LIMD1: variants seen among roughly 807,000 people sequenced by gnomAD.
The protein encoded by LIMD1 is LIM domain-containing protein 1.
LIMD1 carries 23 observed loss-of-function variants against 58.4 expected under a neutral mutation model. The observed-to-expected ratio is 0.39, with a 90% confidence interval of 0.28 to 0.56. LIMD1 has a LOEUF of 0.56. LIMD1 is among the 20% of genes least tolerant of loss of function. The pLI is 0.57. For synonymous variants in LIMD1, 334 were observed against 345.5 expected (o/e 0.97, Z 0.37); for missense variants, 838 against 855.5 (o/e 0.98, Z 0.25).
At chr3:45,604,922 C>G (rs1701453334) in intron 1 of LIMD1, among the ~76,000 whole-genome samples, 1 of 152,184 alleles carries the variant, frequency 6.6e-6, no homozygotes, top group Non-Finnish European at 1.5e-5. Context: ...CATTAACAGT[C>G]CAGAACATGA....
intron 7 of LIMD1, among the ~76,000 whole-genome samples, chr3:45,676,183 A>T (rs1697667409): frequency 2.0e-5 from 3 of 152,174 alleles, no homozygotes; most frequent in Non-Finnish European, 2.9e-5. Flanking sequence ...TGGATGTTGC[A>T]GTGAGCTGAG....
intron 1 of LIMD1, among the ~76,000 whole-genome samples, chr3:45,601,479 G>A (rs760184492): frequency 1.8e-4 from 27 of 152,200 alleles, no homozygotes; most frequent in Non-Finnish European, 3.5e-4. Flanking sequence ...CCCTGTCCTC[G>A]CCTTCATCGA....
chr3:45,635,103 T>C (rs1575353482), intron 1 of LIMD1: 3 of 152,334 alleles, frequency 2.0e-5, no homozygotes, highest in African/African-American at 7.2e-5. Flanking sequence ...CTGGGCTTGA[T>C]TGTGCATTCC....
At position 45,677,053 on chromosome 3, in the gene LIMD1, C is replaced by T; in HGVS notation, c.2025C>T (p.His675=). ...CATCTACAGCCCTTCACCAGCACCACTTCTAGCCAGAGCCACTTGCAGACA... is the reference window on the plus strand; with the variant it reads ...CATCTACAGCCCTTCACCAGCACCATTTCTAGCCAGAGCCACTTGCAGACA... The part of the protein sequence containing the change: ...RPSSTALHQH[H]F The change falls in exon 8 of 8, where the codon CAC becomes CAT. Residue 675 remains histidine (H), a synonymous_variant. Transcript: ENST00000273317. 1 of 1,613,614 alleles carries T rather than the reference C, an allele frequency of 6.2e-7. No homozygotes were observed. Among genetic ancestry groups the T allele is most frequent in the Non-Finnish European group, 8.5e-7 (1 of 1,179,928 alleles).
chr3:45,647,997 G>C (rs1217586993), intron 2 of LIMD1, among the ~76,000 whole-genome samples: 1 of 151,664 alleles, frequency 6.6e-6, no homozygotes, highest in Non-Finnish European at 1.5e-5. Flanking sequence ...CCTGATCTTG[G>C]GTCCCATGTG....
chr3:45,595,710 C>T lies in LIMD1; in HGVS notation c.831C>T (p.Ser277=), dbSNP rs767762029. The T allele has an allele frequency of 3.5e-5, 57 of 1,614,044 alleles. No individual in the cohort carries two copies. The highest frequency in any genetic ancestry group is 4.8e-5 in the Non-Finnish European group (57 of 1,180,054). ...SSQRVSPGLP[S]PNLENGAPAV... The stretch of plus-strand genomic sequence containing the variant: ...AGCGGGTGAGCCCTGGCCTGCCTTC[C>T]CCAAACTTGGAGAACGGAGCACCAG... Residue 277 remains serine (S), a synonymous_variant, in exon 1 of 8, where the codon TCC becomes TCT. Transcript: ENST00000273317.
chr3:45,672,541 A>C, intron 4 of LIMD1, 149 bp from the exon 5 acceptor site: 1 of 808,118 alleles, frequency 1.2e-6, no homozygotes, highest in South Asian at 1.7e-5. Flanking sequence ...CCACCCCATC[A>C]CCTCTTGCTC....
At chr3:45,658,710 C>T (rs149311640) in intron 2 of LIMD1, among the ~76,000 whole-genome samples, 236 of 152,028 alleles carry the variant, frequency 1.6e-3, no homozygotes, top group African/African-American at 5.4e-3. Context: ...CATGCACCAC[C>T]ATGCCTGGCT....
At chr3:45,659,339 C>T (rs1272544985) in intron 2 of LIMD1, among the ~76,000 whole-genome samples, 1 of 152,112 alleles carries the variant, frequency 6.6e-6, no homozygotes, top group Non-Finnish European at 1.5e-5. Context: ...CAGTAGTTCA[C>T]ACCTGTAATC....
At chr3:45,649,583 A>G (rs1701942835) in intron 2 of LIMD1, among the ~76,000 whole-genome samples, 1 of 150,786 alleles carries the variant, frequency 6.6e-6, no homozygotes, top group Admixed American at 6.6e-5. Context: ...GGCGAGGCTG[A>G]GGCAGCAGAA....
At chr3:45,623,903 G>T (rs1204530308) in intron 1 of LIMD1, among the ~76,000 whole-genome samples, 3 of 152,208 alleles carry the variant, frequency 2.0e-5, no homozygotes, top group African/African-American at 7.2e-5. Flanking sequence ...TGTACAGCCA[G>T]ACTTGAGAAG....
chr3:45,666,296 G>T (rs1253151785), intron 3 of LIMD1, among the ~76,000 whole-genome samples: 1 of 152,196 alleles, frequency 6.6e-6, no homozygotes, highest in Non-Finnish European at 1.5e-5. Context: ...GCAGCCAGGC[G>T]TTGAACTCTG....
intron 1 of LIMD1, among the ~76,000 whole-genome samples, chr3:45,614,458 C>CGCACTTTGTAATCCCA (rs1701558135): frequency 6.7e-6 from 1 of 150,084 alleles, no homozygotes; most frequent in Non-Finnish European, 1.5e-5. Flanking sequence ...CTGTGGTTCA[C>CGCACTTTGTAATCCCA]GCACTTTGTA....
intron 7 of LIMD1, 89 bp downstream of exon 7, chr3:45,674,500 C>G: frequency 1.0e-6 from 1 of 1,002,666 alleles, no homozygotes; most frequent in South Asian, 1.4e-5. Context: ...AGGCAGTCAA[C>G]AAGATTCTGG....
rs1697803412 is a variant in LIMD1, at chr3:45,685,943, C to T, written c.*8884C>T. The T allele has an allele frequency of 6.6e-6, 1 of 152,332 alleles. No homozygotes were observed. The highest frequency in any genetic ancestry group is 3.4e-3 in the Middle Eastern group (1 of 294). The allele number at this position is 152,332 out of a possible 1,614,324, so 9.4% of individuals were successfully genotyped here. ...GCTAAGACAGCCAGACAGACTCCAT[C>T]TTGGCTCTTTCACTGGCACCCCTTC... On this transcript the variant is annotated 3_prime_UTR_variant, in exon 8 of 8. Transcript: ENST00000273317.
intron 2 of LIMD1, among the ~76,000 whole-genome samples, chr3:45,654,945 A>AGAC (rs1702013696): frequency 7.0e-6 from 1 of 142,766 alleles, no homozygotes; most frequent in Admixed American, 7.0e-5. Context: ...TTTAAGACAT[A>AGAC]GTCTCACTCT....
chr3:45,627,076 A>G (rs1487243899), intron 1 of LIMD1, among the ~76,000 whole-genome samples: 1 of 152,132 alleles, frequency 6.6e-6, no homozygotes, highest in Admixed American at 6.5e-5. Context: ...GGCCCTGGGC[A>G]CACAAACACC....
At chr3:45,654,570 T>C (rs182217071) in intron 2 of LIMD1, among the ~76,000 whole-genome samples, 2 of 152,220 alleles carry the variant, frequency 1.3e-5, no homozygotes, top group Non-Finnish European at 2.9e-5. Context: ...GGCTCACACC[T>C]GTAATCCCAG....
chr3:45,674,634 G>A (rs1465072125), intron 7 of LIMD1: 2 of 478,140 alleles, frequency 4.2e-6, no homozygotes, highest in Non-Finnish European at 7.6e-6. Context: ...GAACTATCAA[G>A]TCCTGCAACT....
Sources: gnomAD v4.1 joint callset for allele counts (sites outside exome capture counted in the v4.1 genomes callset) on GRCh38, gnomAD v4.1.1 for gene constraint, MANE v1.5 for transcripts, NCBI Gene and HGNC (gene_info 2026-07-23, HGNC 2026-07-21) for gene names.